The following PDE11A variants were observed in gnomAD, a reference collection of about 807,000 sequenced individuals.
PDE11A encodes the protein dual 3',5'-cyclic-AMP and -GMP phosphodiesterase 11A.
In PDE11A, 100 loss-of-function variants were observed where a neutral mutation model predicts 100.5. That is an observed-to-expected ratio of 1.00 (90% confidence interval 0.85 to 1.18). PDE11A has a LOEUF of 1.18. Among genes scored for constraint, PDE11A ranks in the 50% most tolerant of loss-of-function variants. The pLI, the probability that PDE11A is intolerant of heterozygous loss-of-function variation, is 0.00. For missense variants in PDE11A, 1,141 were observed against 1,152.6 expected (o/e 0.99, Z 0.15); for synonymous variants, 381 against 420.8 (o/e 0.91, Z 1.16).
chr2:177,859,247 AT>A lies in PDE11A; in HGVS notation c.1367+16611del, dbSNP rs1462036427. 9.9e-5 allele frequency among the ~76,000 whole-genome samples: 15 copies of A among 152,218 alleles called. No individual in the cohort carries two copies. The South Asian group carries it at 2.1e-3, about 21-fold the overall frequency. ...TGTACCCTAAAAGTATAATAAAAAA[AT>A]AAAATAAAATAAATAAACTTTAAAA... On this transcript the variant is annotated intron_variant, in intron 5 of 19. Coordinates refer to ENST00000286063, the MANE Select transcript of PDE11A (RefSeq NM_016953.4).
At position 177,660,048 on chromosome 2, in the gene PDE11A, T is replaced by TC. The variant is rs1491388480; in HGVS notation, c.2646+3817_2646+3818insG. Among the ~76,000 whole-genome samples, 49 of 9,750 alleles carry TC rather than the reference T, an allele frequency of 5.0e-3. 11 individuals are homozygous for TC. Among genetic ancestry groups the TC allele is most frequent in the East Asian group, 0.045 (2 of 44 alleles). 6.4% of individuals were successfully genotyped at this position (9,750 alleles called of 152,430 possible). ...TACAATCATTTTCTTTCTTTCTTTC[T>TC]TTCTTTCTTTCTTTCTTTCTTTCTT... On this transcript the variant is annotated intron_variant, in intron 19 of 19. Coordinates refer to ENST00000286063, the MANE Select transcript of PDE11A (RefSeq NM_016953.4).
chr2:177,935,040 A>G (rs2085254982), intron 2 of PDE11A, among the ~76,000 whole-genome samples: 1 of 152,154 alleles, frequency 6.6e-6, no homozygotes, highest in South Asian at 2.1e-4. Flanking sequence ...TCTGTACCCC[A>G]AACCTCAGCA....
intron 2 of PDE11A, among the ~76,000 whole-genome samples, chr2:177,916,483 T>A (rs1011049301): frequency 6.6e-6 from 1 of 152,190 alleles, no homozygotes; most frequent in African/African-American, 2.4e-5. Flanking sequence ...AGACACAGCT[T>A]GAGCTCTGAA....
chr2:177,841,653 A>T (rs1460541913), intron 5 of PDE11A, among the ~76,000 whole-genome samples: 1 of 152,194 alleles, frequency 6.6e-6, no homozygotes, highest in East Asian at 1.9e-4. Context: ...TCTCATCTGT[A>T]ATGATTGCTG....
At chr2:177,759,880 T>C (rs1429445634) in intron 10 of PDE11A, among the ~76,000 whole-genome samples, 1 of 152,184 alleles carries the variant, frequency 6.6e-6, no homozygotes, top group Non-Finnish European at 1.5e-5. Flanking sequence ...AAAGTCAATA[T>C]GTTGAGTTCA....
At chr2:177,776,263 A>T (rs2082376134) in intron 9 of PDE11A, among the ~76,000 whole-genome samples, 1 of 152,202 alleles carries the variant, frequency 6.6e-6, no homozygotes, top group Admixed American at 6.5e-5. Context: ...ATGCATACTT[A>T]AAATTGATTT....
intron 19 of PDE11A, among the ~76,000 whole-genome samples, chr2:177,662,882 A>G (rs1460796135): frequency 6.6e-6 from 1 of 152,192 alleles, no homozygotes; most frequent in African/African-American, 2.4e-5. Flanking sequence ...AGCAGTTCCT[A>G]AAAGTGCTGA....
At position 177,669,337 on chromosome 2, in the gene PDE11A, G is replaced by A. The variant is rs563595466; in HGVS notation, c.2562+156C>T. Among the ~76,000 whole-genome samples, 12 of 152,308 alleles carry A rather than the reference G, an allele frequency of 7.9e-5. No individual in the cohort carries two copies. In the South Asian group the frequency reaches 2.5e-3, roughly 32 times the overall value. On this transcript the variant is annotated intron_variant, in intron 18 of 19. Transcript: ENST00000286063. Reference sequence around the variant, plus strand: ...CTTAATCAGAAACTTGGGAATAAGAGTGTTTAGCATTTGAGTTTAATTAAG... The same window carrying A: ...CTTAATCAGAAACTTGGGAATAAGAATGTTTAGCATTTGAGTTTAATTAAG...
chr2:177,938,891 T>C (rs755149832), intron 2 of PDE11A, among the ~76,000 whole-genome samples: 2 of 152,200 alleles, frequency 1.3e-5, no homozygotes, highest in Admixed American at 6.5e-5. Flanking sequence ...CTGGTGTCCT[T>C]AGAAGAAGAG....
intron 9 of PDE11A, among the ~76,000 whole-genome samples, chr2:177,798,092 T>TA (rs2082730475): frequency 6.6e-6 from 1 of 152,222 alleles, no homozygotes; most frequent in South Asian, 2.1e-4. Flanking sequence ...AATAGCATGC[T>TA]ACTTCAGTTC....
chr2:178,066,709 G>A (rs2087049672), intron 1 of PDE11A, among the ~76,000 whole-genome samples: 1 of 152,194 alleles, frequency 6.6e-6, no homozygotes, highest in Admixed American at 6.5e-5. Context: ...CCACCTCAGG[G>A]AAGTGCAAGG....
At chr2:177,784,083 A>T (rs2082495071) in intron 9 of PDE11A, among the ~76,000 whole-genome samples, 1 of 151,888 alleles carries the variant, frequency 6.6e-6, no homozygotes, top group Non-Finnish European at 1.5e-5. Context: ...TGAAGCAGTT[A>T]CAGAAGATGA....
At chr2:177,766,907 C>G (rs777089644) in intron 10 of PDE11A, among the ~76,000 whole-genome samples, 1 of 152,104 alleles carries the variant, frequency 6.6e-6, no homozygotes, top group Non-Finnish European at 1.5e-5. Context: ...GATAAAATAA[C>G]CCTTTGTTCT....
intron 2 of PDE11A, among the ~76,000 whole-genome samples, chr2:177,945,869 G>A (rs2085414533): frequency 4.1e-5 from 6 of 144,722 alleles, no homozygotes. Flanking sequence ...CCGTCCGGGA[G>A]GGAGGTGGGG....
chr2:177,891,911 G>A (rs1238725174), intron 4 of PDE11A, among the ~76,000 whole-genome samples: 3 of 152,274 alleles, frequency 2.0e-5, no homozygotes, highest in African/African-American at 4.8e-5. Flanking sequence ...TCTAAGAAAT[G>A]TACTTAGTTC....
chr2:177,783,193 G>C (rs535709172), intron 9 of PDE11A, among the ~76,000 whole-genome samples: 1 of 152,164 alleles, frequency 6.6e-6, no homozygotes, highest in South Asian at 2.1e-4. Flanking sequence ...ATTACTAGAG[G>C]CAGTCAATAT....
intron 16 of PDE11A, chr2:177,678,022 G>A (rs2080805958): frequency 6.6e-6 from 1 of 152,184 alleles, no homozygotes; most frequent in Admixed American, 6.5e-5. Flanking sequence ...CAAAGATTTT[G>A]TGTAGACTGA....
intron 3 of PDE11A, among the ~76,000 whole-genome samples, chr2:177,901,791 T>C (rs1055699015): frequency 2.0e-5 from 3 of 152,200 alleles, no homozygotes; most frequent in African/African-American, 7.2e-5. Flanking sequence ...CTAGACTATT[T>C]CTTCAGATGG....
chr2:178,051,424 G>A (rs549810601), intron 1 of PDE11A, among the ~76,000 whole-genome samples: 140 of 152,260 alleles, frequency 9.2e-4, no homozygotes, highest in African/African-American at 3.1e-3. Flanking sequence ...AAAGACCATC[G>A]ATGCTAGGAA....
Sources: gnomAD v4.1 joint callset for allele counts (sites outside exome capture counted in the v4.1 genomes callset) on GRCh38, gnomAD v4.1.1 for gene constraint, MANE v1.5 for transcripts, NCBI Gene and HGNC (gene_info 2026-07-23, HGNC 2026-07-21) for gene names.